DCDC1: variants seen among roughly 807,000 people sequenced by gnomAD.
DCDC1 encodes the protein doublecortin domain containing 1, also known as doublecortin domain-containing protein 1.
A neutral mutation model predicts 178.3 loss-of-function variants in DCDC1; 200 were observed. The ratio of observed to expected loss-of-function variants is 1.12; its 90% CI spans 1.00 to 1.26. The LOEUF (loss-of-function observed/expected upper bound fraction) is 1.26, where lower values mean the gene tolerates loss of function less well. Ranked by LOEUF, DCDC1 falls within the 50% of genes most tolerant of loss-of-function variation. DCDC1 has a pLI of 0.00. For missense variants in DCDC1, 1,983 were observed against 1,749.2 expected (o/e 1.13, Z -2.38); for synonymous variants, 690 against 604.8 (o/e 1.14, Z -2.07).
intron 9 of DCDC1, among the ~76,000 whole-genome samples, chr11:31,138,264 A>G (rs551388905): frequency 1.2e-4 from 19 of 152,210 alleles, no homozygotes; most frequent in Admixed American, 2.6e-4. Context: ...ACAAAGGATC[A>G]TGTATCTAAA....
intron 11 of DCDC1, among the ~76,000 whole-genome samples, chr11:31,114,059 T>C (rs533306149): frequency 6.6e-6 from 1 of 152,252 alleles, no homozygotes; most frequent in African/African-American, 2.4e-5. Context: ...CAACAGGCAG[T>C]AGCTATCTTC....
intron 2 of DCDC1, 143 bp from the exon 3 acceptor site, chr11:31,328,429 T>A (rs1157765595): frequency 1.3e-6 from 1 of 767,644 alleles, no homozygotes; most frequent in African/African-American, 1.8e-5. Flanking sequence ...ATTCCCTTAG[T>A]AATTAACAGA....
intron 20 of DCDC1, among the ~76,000 whole-genome samples, chr11:30,986,822 T>G (rs1950676539): frequency 6.6e-6 from 1 of 152,126 alleles, no homozygotes; most frequent in South Asian, 2.1e-4. Flanking sequence ...GAGTAACAAA[T>G]GTAGGAAATT....
intron 3 of DCDC1, among the ~76,000 whole-genome samples, chr11:31,310,020 T>A (rs1591720719): frequency 6.6e-6 from 1 of 152,310 alleles, no homozygotes; most frequent in Non-Finnish European, 1.5e-5. Flanking sequence ...TAACAGCACT[T>A]GCATTCTTTT....
chr11:31,368,616 C>T (rs939429677), intron 1 of DCDC1, among the ~76,000 whole-genome samples: 3 of 152,136 alleles, frequency 2.0e-5, no homozygotes, highest in African/African-American at 7.2e-5. Flanking sequence ...TTGTTTCATT[C>T]AGTTATTCTT....
chr11:30,975,711 G>A (rs1950065731), intron 20 of DCDC1, among the ~76,000 whole-genome samples: 1 of 151,312 alleles, frequency 6.6e-6, no homozygotes, highest in Admixed American at 6.6e-5. Flanking sequence ...GAAAATGAAG[G>A]GGACACAAAC....
At chr11:31,125,469 T>C (rs1490880052) in intron 11 of DCDC1, among the ~76,000 whole-genome samples, 1 of 152,180 alleles carries the variant, frequency 6.6e-6, no homozygotes, top group Non-Finnish European at 1.5e-5. Context: ...TAAAGATACA[T>C]GCATGTGTAT....
At chr11:31,226,495 C>CA (rs1181689381) in intron 9 of DCDC1, among the ~76,000 whole-genome samples, 202 of 140,918 alleles carry the variant, frequency 1.4e-3, no homozygotes, top group African/African-American at 4.1e-3. Context: ...ATCAAACTGC[C>CA]AAAAAAAAAA....
At chr11:31,217,084 C>T (rs942433054) in intron 9 of DCDC1, among the ~76,000 whole-genome samples, 7 of 152,150 alleles carry the variant, frequency 4.6e-5, no homozygotes. Context: ...ATCACTCCCC[C>T]TCCTCTACAT....
chr11:30,909,155 T>C (rs2134162991), intron 28 of DCDC1, 39 bp from the exon 29 acceptor site: 1 of 1,573,462 alleles, frequency 6.4e-7, no homozygotes, highest in East Asian at 2.3e-5. Context: ...AGTGAGTTCA[T>C]GTGAGGGTTA....
chr11:31,203,578 T>A (rs1329286694), intron 9 of DCDC1, among the ~76,000 whole-genome samples: 1 of 152,140 alleles, frequency 6.6e-6, no homozygotes, highest in Non-Finnish European at 1.5e-5. Context: ...CCTGTTGATG[T>A]TGAGGTGTAG....
At chr11:31,036,538 A>G (rs1954040625) in intron 20 of DCDC1, among the ~76,000 whole-genome samples, 1 of 152,218 alleles carries the variant, frequency 6.6e-6, no homozygotes, top group Non-Finnish European at 1.5e-5. Flanking sequence ...AAAAAAATTC[A>G]AAAATGTAAA....
At chr11:31,163,166 T>C (rs1421716817) in intron 9 of DCDC1, among the ~76,000 whole-genome samples, 1 of 152,198 alleles carries the variant, frequency 6.6e-6, no homozygotes, top group African/African-American at 2.4e-5. Flanking sequence ...TCCACTGAAG[T>C]GCCTGGGTGC....
chr11:31,080,986 A>C (rs1243816769), intron 17 of DCDC1, among the ~76,000 whole-genome samples: 1 of 152,188 alleles, frequency 6.6e-6, no homozygotes, highest in African/African-American at 2.4e-5. Context: ...CTTGATGATG[A>C]ATTATGCTGA....
At chr11:31,043,721 G>A (rs1339092418) in intron 20 of DCDC1, among the ~76,000 whole-genome samples, 2 of 151,906 alleles carry the variant, frequency 1.3e-5, no homozygotes, top group East Asian at 3.9e-4. Flanking sequence ...CTAAAGTAGG[G>A]TATGTGATAT....
At chr11:31,186,165 C>T (rs2554048) in intron 9 of DCDC1, among the ~76,000 whole-genome samples, 7 of 152,206 alleles carry the variant, frequency 4.6e-5, no homozygotes, top group African/African-American at 1.7e-4. Flanking sequence ...TCAAGCTGGC[C>T]TACTGGCTTC....
intron 21 of DCDC1, among the ~76,000 whole-genome samples, chr11:30,944,766 T>C (rs1947897788): frequency 6.6e-6 from 1 of 152,236 alleles, no homozygotes; most frequent in South Asian, 2.1e-4. Context: ...TTGTCTATCT[T>C]TAGCTACTGT....
intron 22 of DCDC1, among the ~76,000 whole-genome samples, chr11:30,928,845 T>C (rs182954938): frequency 9.8e-4 from 149 of 151,602 alleles, no homozygotes; most frequent in Non-Finnish European, 1.9e-3. Context: ...TTTTCAACTT[T>C]GAAGAAAATT....
intron 9 of DCDC1, among the ~76,000 whole-genome samples, chr11:31,212,744 G>C (rs192241546): frequency 6.6e-6 from 1 of 152,014 alleles, no homozygotes. Context: ...GGAAATATCT[G>C]GGGAAAAAAT....
Sources: allele counts gnomAD v4.1 joint callset (sites outside exome capture counted in the v4.1 genomes callset), GRCh38; gene constraint gnomAD v4.1.1; transcripts MANE v1.5; gene names NCBI Gene and HGNC (gene_info 2026-07-23, HGNC 2026-07-21).